TRAK1: variants seen among roughly 807,000 people sequenced by gnomAD.
TRAK1 encodes trafficking kinesin protein 1.
Under a neutral mutation model 92.1 loss-of-function variants are expected in TRAK1, and 33 were observed. That is an observed-to-expected ratio of 0.36 (90% CI 0.27 to 0.48). The LOEUF (loss-of-function observed/expected upper bound fraction) is 0.48. TRAK1 is among the 20% of genes least tolerant of loss of function. TRAK1 has a pLI of 0.99. For missense variants in TRAK1, 1,123 were observed against 1,257.9 expected, an observed-to-expected ratio of 0.89 and a Z score of 1.62; for synonymous variants, 521 against 517.3, an observed-to-expected ratio of 1.01 and a Z score of -0.10.
intron 1 of TRAK1, among the ~76,000 whole-genome samples, chr3:42,113,331 C>G (rs2149084562): frequency 1.3e-5 from 2 of 152,230 alleles, no homozygotes; most frequent in Middle Eastern, 6.8e-3. Context: ...CTACTCTCTA[C>G]TCTCTACTCT....
chr3:42,030,717 TA>T (rs1702106159), intron 1 of TRAK1, among the ~76,000 whole-genome samples: 2 of 16,768 alleles, frequency 1.2e-4, no homozygotes, highest in South Asian at 3.7e-3. Context: ...TATATATATA[TA>T]TATATATATA....
intron 14 of TRAK1, chr3:42,212,049 A>T: frequency 1.0e-6 from 1 of 985,398 alleles, no homozygotes; most frequent in Non-Finnish European, 1.2e-6. Context: ...GAGAACAATG[A>T]ATTGGCTCTA....
rs527846231 is a variant in TRAK1 at position 42,019,172 on chromosome 3, CT to C, written c.-519+5063del. 2.0e-5 allele frequency among the ~76,000 whole-genome samples: 3 copies of C among 151,922 alleles called. No individual in the cohort carries two copies. The East Asian group carries it at 5.8e-4, about 29-fold the overall frequency. On this transcript the variant is annotated intron_variant, in intron 1 of 16. Coordinates refer to the TRAK1 transcript ENST00000487159. ...ATTAGAATAGGGATATAGGATCTCA[CT>C]TTTTTTTGTCTCTCTCCAGGATTAC...
At chr3:42,212,670 A>C in intron 14 of TRAK1, 1 of 602,588 alleles carries the variant, frequency 1.7e-6, no homozygotes, top group Non-Finnish European at 2.1e-6. Flanking sequence ...TTATGTTTTA[A>C]TTTATATAGA....
chr3:42,124,546 A>G (rs1252080130), intron 1 of TRAK1, among the ~76,000 whole-genome samples: 1 of 152,166 alleles, frequency 6.6e-6, no homozygotes, highest in Admixed American at 6.5e-5. Flanking sequence ...CTTTGTGTGA[A>G]TTGGTTCTCC....
At chr3:42,076,356 G>C (rs1388497088) in intron 1 of TRAK1, among the ~76,000 whole-genome samples, 2 of 150,696 alleles carry the variant, frequency 1.3e-5, no homozygotes, top group Non-Finnish European at 2.9e-5. Flanking sequence ...CTCCCGAGTA[G>C]CTGGGTTTAC....
chr3:42,218,526 T>G, intron 14 of TRAK1: 1 of 983,942 alleles, frequency 1.0e-6, no homozygotes, highest in Non-Finnish European at 1.2e-6. Context: ...TTTTATTTTA[T>G]TATTATTTTT....
chr3:42,223,345 G>A lies in TRAK1; in HGVS notation c.2470G>A (p.Glu824Lys). ...PASSILREVR[E>K]KNVRSSESQT... ...CAGCTCCATCCTGAGGGAAGTGAGA[G>A]AAAAGAACGTCCGCAGCAGCGAGAG... The change falls in exon 16 of 16, where the codon GAA becomes AAA. Residue 824 changes from glutamate to lysine, a missense_variant. By Grantham distance (56) the Glu-to-Lys change is moderately conservative. Coordinates refer to ENST00000327628, the MANE Select transcript of TRAK1 (RefSeq NM_001042646.3). The surrounding 1 kb of genome is among the most constrained non-coding windows in gnomAD (Gnocchi z 6.1). 3.7e-6 allele frequency: 6 copies of A among 1,614,200 alleles called. No individual in the cohort carries two copies. Among genetic ancestry groups the A allele is most frequent in the Non-Finnish European group, 5.1e-6 (6 of 1,180,036 alleles).
chr3:42,106,312 A>G (rs1576378126), intron 1 of TRAK1, among the ~76,000 whole-genome samples: 1 of 152,286 alleles, frequency 6.6e-6, no homozygotes, highest in South Asian at 2.1e-4. Flanking sequence ...TCAAAATAAA[A>G]GGATGGAGGA....
chr3:42,032,990 A>G (rs1312910833), intron 1 of TRAK1, among the ~76,000 whole-genome samples: 4 of 152,210 alleles, frequency 2.6e-5, no homozygotes, highest in African/African-American at 9.7e-5. Flanking sequence ...TGGAGTTATG[A>G]TCAAGTCAGC....
chr3:42,049,078 G>A (rs574221856), intron 1 of TRAK1, among the ~76,000 whole-genome samples: 57 of 152,116 alleles, frequency 3.7e-4, no homozygotes, highest in African/African-American at 1.3e-3. Context: ...TAGTAGAAAC[G>A]GAGTTTCACC....
chr3:42,088,322 G>A (rs547941506), upstream of TRAK1, among the ~76,000 whole-genome samples: 1 of 152,140 alleles, frequency 6.6e-6, no homozygotes, highest in South Asian at 2.1e-4. Context: ...CTGGTGCCTA[G>A]CTGCTGTGCT....
chr3:42,155,041 A>G (rs1346259324), intron 2 of TRAK1, among the ~76,000 whole-genome samples: 1 of 152,084 alleles, frequency 6.6e-6, no homozygotes, highest in East Asian at 1.9e-4. Flanking sequence ...CTGATAAAAA[A>G]CATTAACAAG....
chr3:42,162,233 T>A (rs1701350260), intron 2 of TRAK1, among the ~76,000 whole-genome samples: 1 of 152,086 alleles, frequency 6.6e-6, no homozygotes, highest in Non-Finnish European at 1.5e-5. Context: ...GGAAAAAAAT[T>A]TGTGTTGTGC....
chr3:42,183,572 GAAA>G, intron 3 of TRAK1, among the ~76,000 whole-genome samples: 1 of 108,312 alleles, frequency 9.2e-6, no homozygotes, highest in Non-Finnish European at 2.1e-5. Flanking sequence ...AAAAAAAAAA[GAAA>G]GAAAGAATCA....
intron 2 of TRAK1, among the ~76,000 whole-genome samples, chr3:42,141,069 C>T (rs575783963): frequency 1.3e-5 from 2 of 152,302 alleles, no homozygotes; most frequent in South Asian, 4.1e-4. Flanking sequence ...AGGTCTGAGA[C>T]ACTCGGGCAA....
At chr3:42,219,419 G>A in intron 14 of TRAK1, 75 bp from the exon 15 acceptor site, 3 of 1,610,752 alleles carry the variant, frequency 1.9e-6, no homozygotes, top group Non-Finnish European at 2.5e-6. Flanking sequence ...CATCTGTTGA[G>A]TGACATGCTG....
Position 42,204,310 on chromosome 3 carries a change from T to A in TRAK1, c.1744+1558T>A, listed in dbSNP as rs1457568569. ...TTTCATTAGATCATCTAAGAATATGTTTTTGAATTTATTTTCAAAGCACAT... is the reference window on the plus strand; with the variant it reads ...TTTCATTAGATCATCTAAGAATATGATTTTGAATTTATTTTCAAAGCACAT... On this transcript the variant is annotated intron_variant, in intron 13 of 15. Coordinates refer to ENST00000327628, the MANE Select transcript of TRAK1 (RefSeq NM_001042646.3). The A allele has an allele frequency of 6.4e-6, 6 of 944,804 alleles. No individual in the cohort carries two copies. The South Asian group carries it at 2.0e-4, about 31-fold the overall frequency. 58.5% of individuals were successfully genotyped at this position (944,804 alleles called of 1,614,324 possible).
chr3:42,205,203 A>G (rs1054025568), intron 13 of TRAK1, among the ~76,000 whole-genome samples: 2 of 152,150 alleles, frequency 1.3e-5, no homozygotes, highest in Non-Finnish European at 2.9e-5. Context: ...GCTCCAATCC[A>G]GGTCTGTAGG....
Sources: allele counts gnomAD v4.1 joint callset (sites outside exome capture counted in the v4.1 genomes callset), GRCh38; gene constraint gnomAD v4.1.1; non-coding constraint Gnocchi (gnomAD v3.1); transcripts MANE v1.5; gene names NCBI Gene and HGNC (gene_info 2026-07-23, HGNC 2026-07-21).